FAT3: variants seen among roughly 807,000 people sequenced by gnomAD.
FAT3 encodes protocadherin Fat 3.
In FAT3, 95 loss-of-function variants were observed where a neutral mutation model predicts 310.2. That is an observed-to-expected ratio of 0.31 (90% CI 0.26 to 0.36). The LOEUF (loss-of-function observed/expected upper bound fraction) is 0.36. Ranked by LOEUF, FAT3 falls within the 10% of genes least tolerant of loss-of-function variation. The pLI is 1.00. For missense variants in FAT3, 5,408 were observed against 5,715.6 expected, an observed-to-expected ratio of 0.95 and a Z score of 1.74; for synonymous variants, 2,314 against 2,192.9, an observed-to-expected ratio of 1.06 and a Z score of -1.54.
intron 1 of FAT3, among the ~76,000 whole-genome samples, chr11:92,281,660 T>A (rs2134365588): frequency 6.6e-6 from 1 of 152,260 alleles, no homozygotes; most frequent in South Asian, 2.1e-4. Flanking sequence ...TGCCAGATGG[T>A]GAGTGCTCAA....
At chr11:92,784,714 C>T (rs1750916490) in intron 7 of FAT3, among the ~76,000 whole-genome samples, 2 of 152,082 alleles carry the variant, frequency 1.3e-5, no homozygotes, top group Non-Finnish European at 2.9e-5. Context: ...ATGGCCCCGA[C>T]TGTGGGAAAT....
At chr11:92,279,716 C>T (rs1482557922) in intron 1 of FAT3, among the ~76,000 whole-genome samples, 1 of 152,134 alleles carries the variant, frequency 6.6e-6, no homozygotes, top group Non-Finnish European at 1.5e-5. Flanking sequence ...TTTCTTCCGG[C>T]TACTTTGAAA....
intron 15 of FAT3, among the ~76,000 whole-genome samples, chr11:92,835,742 A>G (rs12789841): frequency 0.31 from 47,210 of 152,078 alleles, 8,212 homozygotes; most frequent in South Asian, 0.5. Flanking sequence ...CTACACACAC[A>G]GACACACAGA....
chr11:92,692,217 C>G (rs879572243), intron 3 of FAT3, among the ~76,000 whole-genome samples: 2 of 152,198 alleles, frequency 1.3e-5, no homozygotes, highest in African/African-American at 4.8e-5. Flanking sequence ...ATTCAGACAG[C>G]TTTAACACCC....
At chr11:92,404,764 C>A (rs1434264732) in intron 2 of FAT3, among the ~76,000 whole-genome samples, 2 of 151,824 alleles carry the variant, frequency 1.3e-5, no homozygotes, top group Non-Finnish European at 2.9e-5. Context: ...ATGCCCTCAC[C>A]ATTGTGGGTG....
intron 1 of FAT3, among the ~76,000 whole-genome samples, chr11:92,247,632 G>A (rs1864973047): frequency 6.6e-6 from 1 of 151,784 alleles, no homozygotes; most frequent in African/African-American, 2.4e-5. Flanking sequence ...CCAGTTGTTA[G>A]GCATTGACGA....
intron 1 of FAT3, among the ~76,000 whole-genome samples, chr11:92,240,945 C>A (rs1056548472): frequency 6.6e-6 from 1 of 151,732 alleles, no homozygotes; most frequent in African/African-American, 2.4e-5. Context: ...TGCCCCCCTT[C>A]CTGCCACATT....
At chr11:92,416,350 C>T (rs962169982) in intron 2 of FAT3, among the ~76,000 whole-genome samples, 1 of 149,560 alleles carries the variant, frequency 6.7e-6, no homozygotes, top group Admixed American at 6.7e-5. Context: ...CTCCATTGCA[C>T]TCCAGCCTGG....
chr11:92,565,414 G>C (rs1395705155), intron 3 of FAT3, among the ~76,000 whole-genome samples: 1 of 128,028 alleles, frequency 7.8e-6, no homozygotes, highest in Non-Finnish European at 1.7e-5. Flanking sequence ...CAACCAAAAA[G>C]AGTCCAGGAC....
chr11:92,635,365 C>A (rs896530234), intron 3 of FAT3, among the ~76,000 whole-genome samples: 2 of 152,124 alleles, frequency 1.3e-5, no homozygotes, highest in Non-Finnish European at 2.9e-5. Context: ...AACCAGGCTT[C>A]TTCTACATGC....
In FAT3 at chr11:92,571,743, T is replaced by C. The variant is rs1247180452; in HGVS notation, c.3607+46795T>C. On this transcript the variant is annotated intron_variant, in intron 3 of 27. Coordinates refer to ENST00000525166, the MANE Select transcript of FAT3 (RefSeq NM_001367949.2). Reference sequence around the variant, plus strand: ...TGCATCTCCTTTAGCACTTAGCTCTTCTTTCCTGGTTCTTAGTTTTCTTTA... The same window carrying C: ...TGCATCTCCTTTAGCACTTAGCTCTCCTTTCCTGGTTCTTAGTTTTCTTTA... 2.0e-5 allele frequency among the ~76,000 whole-genome samples: 3 copies of C among 152,202 alleles called. No homozygotes were observed. In the East Asian group the frequency reaches 5.8e-4, roughly 29 times the overall value.
chr11:92,750,582 A>G (rs768119699), intron 4 of FAT3, among the ~76,000 whole-genome samples: 17 of 152,178 alleles, frequency 1.1e-4, no homozygotes, highest in Non-Finnish European at 2.4e-4. Context: ...GTTAAAGCAA[A>G]GGGACTTTCT....
At chr11:92,780,314 C>A (rs1946714304) in intron 7 of FAT3, among the ~76,000 whole-genome samples, 1 of 151,910 alleles carries the variant, frequency 6.6e-6, no homozygotes, top group Non-Finnish European at 1.5e-5. Context: ...AGGCATGTAC[C>A]ACCACACCCA....
At chr11:92,519,236 A>C (rs930298842) in intron 2 of FAT3, among the ~76,000 whole-genome samples, 1 of 152,152 alleles carries the variant, frequency 6.6e-6, no homozygotes, top group African/African-American at 2.4e-5. Flanking sequence ...CCAGAAATAG[A>C]CCCATACATG....
At chr11:92,557,685 T>A (rs533528563) in intron 3 of FAT3, among the ~76,000 whole-genome samples, 1 of 152,330 alleles carries the variant, frequency 6.6e-6, no homozygotes, top group African/African-American at 2.4e-5. Flanking sequence ...CCAGTCAGAC[T>A]GTAGGATGCC....
At chr11:92,847,415 T>C (rs1948715472) in intron 19 of FAT3, among the ~76,000 whole-genome samples, 1 of 152,204 alleles carries the variant, frequency 6.6e-6, no homozygotes, top group African/African-American at 2.4e-5. Flanking sequence ...GTAAGCGCAC[T>C]CTATGATGTT....
At chr11:92,528,094 T>C (rs1231287075) in intron 3 of FAT3, among the ~76,000 whole-genome samples, 1 of 152,344 alleles carries the variant, frequency 6.6e-6, no homozygotes, top group Middle Eastern at 3.4e-3. Flanking sequence ...ATAACAGATG[T>C]TCCCAACCCC....
In FAT3 at chr11:92,524,955, G is replaced by A. The variant is rs1161230673; in HGVS notation, c.3607+7G>A. 1 of 1,610,454 alleles carries A rather than the reference G, an allele frequency of 6.2e-7. No homozygotes were observed. The highest frequency in any genetic ancestry group is 1.7e-5 in the Admixed American group (1 of 59,804). ...GCCATCAATATCAAAACAGGTAAGGGAATGCTTATATGACTTCTTTTTAGT... is the reference window on the plus strand; with the variant it reads ...GCCATCAATATCAAAACAGGTAAGGAAATGCTTATATGACTTCTTTTTAGT... On this transcript the variant is annotated splice_region_variant and intron_variant, in intron 3 of 27. Transcript: ENST00000525166.
intron 2 of FAT3, among the ~76,000 whole-genome samples, chr11:92,432,723 C>A (rs924932336): frequency 1.3e-5 from 2 of 152,138 alleles, no homozygotes; most frequent in African/African-American, 4.8e-5. Context: ...GGGTCAGGGA[C>A]CCACTTGAGG....
Sources: gnomAD v4.1 joint callset for allele counts (sites outside exome capture counted in the v4.1 genomes callset) on GRCh38, gnomAD v4.1.1 for gene constraint, MANE v1.5 for transcripts, NCBI Gene and HGNC (gene_info 2026-07-23, HGNC 2026-07-21) for gene names.